The following DPP3 variants were observed in gnomAD, a reference collection of about 807,000 sequenced individuals.
DPP3 encodes the protein dipeptidyl peptidase 3.
Under a neutral mutation model 89.8 loss-of-function variants are expected in DPP3, and 64 were observed. The observed-to-expected ratio is 0.71, with a 90% CI of 0.58 to 0.88. The LOEUF (loss-of-function observed/expected upper bound fraction) is 0.88, where lower values mean the gene tolerates loss of function less well. DPP3 is among the 40% of genes least tolerant of loss of function. The pLI is 0.00. For synonymous variants in DPP3, 377 were observed against 404.3 expected (o/e 0.93, Z 0.81); for missense variants, 835 against 972.5 (o/e 0.86, Z 1.88).
chr11:66,503,360 G>C (rs978026807), intron 16 of DPP3, among the ~76,000 whole-genome samples: 1 of 152,196 alleles, frequency 6.6e-6, no homozygotes, highest in Non-Finnish European at 1.5e-5. Context: ...CTTTAATTTT[G>C]TGGGCATTTA....
At position 66,487,976 on chromosome 11, in the gene DPP3, C is replaced by T. The variant is rs775703613; in HGVS notation, c.636C>T (p.Tyr212=). The T allele has an allele frequency of 1.2e-5, 19 of 1,613,980 alleles. No homozygotes were observed. Among genetic ancestry groups the T allele is most frequent in the Admixed American group, 1.0e-4 (6 of 59,986 alleles). ...TCGATGGAGAAGGGAAGCCCTACTA[C>T]GAGGTGCGGCTGGCTTCTGTGCTTG... is the stretch of plus-strand genomic sequence containing the variant. ...KEVDGEGKPY[Y]EVRLASVLGS... is the part of the protein sequence containing the mutation. The change falls in exon 6 of 18, where the codon TAC becomes TAT. Residue 212 remains tyrosine (Y), a synonymous_variant. Coordinates refer to ENST00000531863, the MANE Select transcript of DPP3 (RefSeq NM_130443.4).
intron 2 of DPP3, among the ~76,000 whole-genome samples, chr11:66,483,614 A>G (rs545202205): frequency 6.6e-6 from 1 of 152,072 alleles, no homozygotes; most frequent in Non-Finnish European, 1.5e-5. Flanking sequence ...TTTTCTTACA[A>G]ACAGTGCCAT....
chr11:66,482,029 C>T (rs891452341), intron 1 of DPP3, 164 bp from the exon 2 acceptor site: 85 of 1,054,546 alleles, frequency 8.1e-5, no homozygotes, highest in Non-Finnish European at 1.1e-4. Flanking sequence ...GGTGAGTCAT[C>T]TCACCTTCTC....
At chr11:66,482,692 T>G (rs966222654) in intron 2 of DPP3, among the ~76,000 whole-genome samples, 4 of 152,232 alleles carry the variant, frequency 2.6e-5, no homozygotes, top group Non-Finnish European at 5.9e-5. Context: ...GAACAGTGCC[T>G]GACTTCAAGA....
chr11:66,496,428 C>T (rs2444847), intron 15 of DPP3, among the ~76,000 whole-genome samples: 86,256 of 146,682 alleles, frequency 0.59, 26,494 homozygotes, highest in South Asian at 0.79. Flanking sequence ...TTTTTTTTTT[C>T]TTTTGAGACA....
At chr11:66,481,599 C>T (rs1363529802) in intron 1 of DPP3, among the ~76,000 whole-genome samples, 2 of 152,150 alleles carry the variant, frequency 1.3e-5, no homozygotes, top group East Asian at 1.9e-4. Context: ...GGCTCTTAGC[C>T]TCTCTGAACC....
chr11:66,500,002 T>C (rs1328851554), intron 16 of DPP3, among the ~76,000 whole-genome samples: 1 of 152,100 alleles, frequency 6.6e-6, no homozygotes, highest in Non-Finnish European at 1.5e-5. Flanking sequence ...TTGGAACATA[T>C]ACGCCATGGA....
At chr11:66,481,528 G>A (rs1036854971) in intron 1 of DPP3, among the ~76,000 whole-genome samples, 1 of 152,112 alleles carries the variant, frequency 6.6e-6, no homozygotes, top group East Asian at 1.9e-4. Flanking sequence ...GGAGGGGCCT[G>A]GGCTGGGAGC....
chr11:66,500,493 A>G (rs1281272089), intron 16 of DPP3, among the ~76,000 whole-genome samples: 1 of 152,236 alleles, frequency 6.6e-6, no homozygotes, highest in East Asian at 1.9e-4. Flanking sequence ...CTTGTTAGTA[A>G]TTAGGCAACC....
intron 16 of DPP3, among the ~76,000 whole-genome samples, chr11:66,504,401 A>G (rs1019096875): frequency 5.3e-5 from 8 of 152,096 alleles, no homozygotes; most frequent in Non-Finnish European, 8.8e-5. Context: ...AGCCTCTTTT[A>G]TAAGGGCCTT....
chr11:66,488,044 T>C (rs4930378), intron 6 of DPP3, 37 bp downstream of exon 6: 391,295 of 1,595,804 alleles, frequency 0.25, 49,753 homozygotes, highest in African/African-American at 0.33. Flanking sequence ...TGCTCCCTCC[T>C]GGGCATTTCC....
intron 16 of DPP3, 70 bp downstream of exon 16, chr11:66,497,547 C>T (rs562898612): frequency 4.2e-5 from 65 of 1,534,802 alleles, no homozygotes; most frequent in South Asian, 1.6e-4. Flanking sequence ...TTACCAGGCA[C>T]GGAGAATAAG....
At chr11:66,492,975 C>G in intron 10 of DPP3, 65 bp downstream of exon 10, 2 of 1,592,016 alleles carry the variant, frequency 1.3e-6, no homozygotes, top group Non-Finnish European at 1.7e-6. Flanking sequence ...CCTCCCTGTC[C>G]ACACACACAC....
chr11:66,481,297 T>A (rs1330644422), intron 1 of DPP3, among the ~76,000 whole-genome samples: 1 of 152,182 alleles, frequency 6.6e-6, no homozygotes, highest in Non-Finnish European at 1.5e-5. Flanking sequence ...GAGACCAGCC[T>A]GGACAAAATA....
intron 2 of DPP3, among the ~76,000 whole-genome samples, chr11:66,483,691 C>G (rs1855148626): frequency 6.6e-6 from 1 of 152,184 alleles, no homozygotes; most frequent in Admixed American, 6.6e-5. Context: ...GTCAAAGGCT[C>G]TGTACATTTA....
intron 16 of DPP3, among the ~76,000 whole-genome samples, chr11:66,501,952 C>CG (rs1855687459): frequency 6.6e-6 from 1 of 151,918 alleles, no homozygotes; most frequent in Non-Finnish European, 1.5e-5. Flanking sequence ...AATCCCAGCA[C>CG]TTTGGGAGGC....
chr11:66,483,029 T>A (rs1855130932), intron 2 of DPP3: 1 of 151,054 alleles, frequency 6.6e-6, no homozygotes, highest in East Asian at 1.9e-4. Context: ...CTTTTTTATT[T>A]TTTATTTTTT....
intron 1 of DPP3, 87 bp downstream of exon 1, chr11:66,480,552 C>G (rs753439028): frequency 1.4e-6 from 2 of 1,394,246 alleles, no homozygotes; most frequent in Non-Finnish European, 1.9e-6. Flanking sequence ...AAATCGTTCC[C>G]TTTCTGCCCA....
intron 17 of DPP3, among the ~76,000 whole-genome samples, chr11:66,508,290 G>T (rs762344539): frequency 4.6e-5 from 7 of 152,282 alleles, no homozygotes; most frequent in Non-Finnish European, 7.4e-5. Context: ...CAGTAAACAG[G>T]TTCGGAGATA....
Sources: allele counts gnomAD v4.1 joint callset (sites outside exome capture counted in the v4.1 genomes callset), GRCh38; gene constraint gnomAD v4.1.1; transcripts MANE v1.5; gene names NCBI Gene and HGNC (gene_info 2026-07-23, HGNC 2026-07-21).